The following FUT9 variants were observed in gnomAD, a reference collection of about 807,000 sequenced individuals.
The protein encoded by FUT9 is 4-galactosyl-N-acetylglucosaminide 3-alpha-L-fucosyltransferase 9.
A neutral mutation model predicts 29.7 loss-of-function variants in FUT9; 15 were observed. That is an observed-to-expected ratio of 0.51 (90% CI 0.34 to 0.78). FUT9 has a LOEUF of 0.78. FUT9 is among the 30% of genes least tolerant of loss of function. The probability of loss-of-function intolerance (pLI) is 0.01; values close to 1 mark genes in which losing one functional copy is unlikely to be tolerated. For missense variants in FUT9, 319 were observed against 425.4 expected (o/e 0.75, Z 2.20); for synonymous variants, 169 against 153.7 (o/e 1.10, Z -0.74).
At chr6:96,081,175 C>T (rs1258522722) in intron 1 of FUT9, among the ~76,000 whole-genome samples, 1 of 151,762 alleles carries the variant, frequency 6.6e-6, no homozygotes, top group Non-Finnish European at 1.5e-5. Flanking sequence ...GAATATTTTT[C>T]AATGAATATT....
At chr6:96,183,244 G>T (rs1010837052) in intron 2 of FUT9, among the ~76,000 whole-genome samples, 4 of 151,886 alleles carry the variant, frequency 2.6e-5, no homozygotes, top group African/African-American at 9.7e-5. Flanking sequence ...TTGATTCTTA[G>T]ATTGGTCATT....
chr6:96,029,607 G>A (rs1315258816), intron 1 of FUT9, among the ~76,000 whole-genome samples: 1 of 151,526 alleles, frequency 6.6e-6, no homozygotes, highest in Non-Finnish European at 1.5e-5. Flanking sequence ...ATAAATGATT[G>A]GCATCATTCC....
chr6:96,127,002 A>T (rs1415741518), intron 2 of FUT9, among the ~76,000 whole-genome samples: 3 of 152,220 alleles, frequency 2.0e-5, no homozygotes, highest in Non-Finnish European at 4.4e-5. Flanking sequence ...TTGTCTGAGG[A>T]TTAATAATTT....
At chr6:96,111,536 G>A (rs1321883672) in intron 1 of FUT9, among the ~76,000 whole-genome samples, 1 of 121,182 alleles carries the variant, frequency 8.3e-6, no homozygotes, top group African/African-American at 3.3e-5. Flanking sequence ...ACCATGATTT[G>A]GGAAACACAC....
At chr6:96,090,947 A>G (rs1405044691) in intron 1 of FUT9, among the ~76,000 whole-genome samples, 1 of 152,100 alleles carries the variant, frequency 6.6e-6, no homozygotes, top group African/African-American at 2.4e-5. Context: ...TAACAAAAGT[A>G]GAAGAAATTT....
intron 1 of FUT9, among the ~76,000 whole-genome samples, chr6:96,049,322 T>C (rs1185622841): frequency 2.6e-5 from 4 of 152,200 alleles, no homozygotes; most frequent in Non-Finnish European, 5.9e-5. Context: ...TTCAGTCTCC[T>C]GGCATGTCAA....
chr6:96,050,080 A>G (rs1226849429), intron 1 of FUT9, among the ~76,000 whole-genome samples: 3 of 152,164 alleles, frequency 2.0e-5, no homozygotes, highest in Non-Finnish European at 4.4e-5. Flanking sequence ...ATGGGTGCCT[A>G]TGTTCATTTC....
intron 1 of FUT9, among the ~76,000 whole-genome samples, chr6:96,068,518 G>A (rs1413127263): frequency 2.6e-5 from 4 of 152,148 alleles, no homozygotes; most frequent in African/African-American, 9.6e-5. Context: ...TATGAATGAA[G>A]CAATTAATTT....
chr6:96,164,754 G>T (rs1054906907), intron 2 of FUT9, among the ~76,000 whole-genome samples: 1 of 152,254 alleles, frequency 6.6e-6, no homozygotes, highest in East Asian at 1.9e-4. Flanking sequence ...GTTTATTTTA[G>T]AATGTCCTTG....
intron 2 of FUT9, among the ~76,000 whole-genome samples, chr6:96,126,109 C>G (rs528765043): frequency 6.6e-6 from 1 of 152,266 alleles, no homozygotes; most frequent in Non-Finnish European, 1.5e-5. Flanking sequence ...GGTTAAAACT[C>G]GTCCACAGCC....
chr6:96,186,040 T>G (rs1265329577), intron 2 of FUT9, among the ~76,000 whole-genome samples: 1 of 152,114 alleles, frequency 6.6e-6, no homozygotes, highest in Non-Finnish European at 1.5e-5. Context: ...CCTTTCCACC[T>G]TTTTTCTAAT....
At chr6:96,041,930 C>T (rs958795641) in intron 1 of FUT9, among the ~76,000 whole-genome samples, 57 of 152,138 alleles carry the variant, frequency 3.7e-4, no homozygotes, top group African/African-American at 1.4e-3. Context: ...ATGTAGTCAG[C>T]ACATTTTTGT....
intron 1 of FUT9, among the ~76,000 whole-genome samples, chr6:96,043,778 C>A (rs1410770221): frequency 6.6e-6 from 1 of 152,138 alleles, no homozygotes; most frequent in Non-Finnish European, 1.5e-5. Flanking sequence ...TCCAAGGTGC[C>A]TCCTCTGACA....
chr6:96,091,220 C>A (rs1214807528), intron 1 of FUT9, among the ~76,000 whole-genome samples: 2 of 151,970 alleles, frequency 1.3e-5, no homozygotes, highest in African/African-American at 2.4e-5. Context: ...TAGTTCAAAG[C>A]GTTATTTACG....
chr6:96,143,185 C>T (rs887511347), intron 2 of FUT9, among the ~76,000 whole-genome samples: 4 of 152,108 alleles, frequency 2.6e-5, no homozygotes, highest in Non-Finnish European at 5.9e-5. Context: ...GGTATTAGAG[C>T]CCTTATAAAA....
chr6:96,075,819 T>C (rs1470269921), intron 1 of FUT9, among the ~76,000 whole-genome samples: 2 of 152,196 alleles, frequency 1.3e-5, no homozygotes, highest in South Asian at 2.1e-4. Context: ...AAGAGGCCTG[T>C]AGGATTCTAA....
At chr6:96,069,253 G>A (rs1415527186) in intron 1 of FUT9, among the ~76,000 whole-genome samples, 1 of 151,930 alleles carries the variant, frequency 6.6e-6, no homozygotes, top group Non-Finnish European at 1.5e-5. Flanking sequence ...CGCTGGTGGC[G>A]GAGGTTGCAG....
At chr6:96,105,853 C>T (rs1771669835) in intron 1 of FUT9, among the ~76,000 whole-genome samples, 1 of 152,138 alleles carries the variant, frequency 6.6e-6, no homozygotes, top group Non-Finnish European at 1.5e-5. Context: ...CTTACCCGTA[C>T]CTATTATCAG....
intron 2 of FUT9, among the ~76,000 whole-genome samples, chr6:96,143,165 C>A (rs929141216): frequency 2.0e-5 from 3 of 152,068 alleles, no homozygotes; most frequent in African/African-American, 7.2e-5. Flanking sequence ...AGGGTGGAAC[C>A]CTTGTTACTG....
Sources: gnomAD v4.1 joint callset for allele counts (sites outside exome capture counted in the v4.1 genomes callset) on GRCh38, gnomAD v4.1.1 for gene constraint, MANE v1.5 for transcripts, NCBI Gene and HGNC (gene_info 2026-07-23, HGNC 2026-07-21) for gene names.